PAK3: variants seen among roughly 807,000 people sequenced by gnomAD.
PAK3 encodes the protein serine/threonine-protein kinase PAK 3.
A neutral mutation model predicts 41.0 loss-of-function variants in PAK3; 4 were observed. The ratio of observed to expected loss-of-function variants is 0.10; its 90% CI spans 0.05 to 0.22. The LOEUF (loss-of-function observed/expected upper bound fraction) is 0.22, where lower values mean the gene tolerates loss of function less well. Among genes scored for constraint, PAK3 ranks in the 10% least tolerant of loss-of-function variants. The pLI, the probability that PAK3 is intolerant of heterozygous loss-of-function variation, is 1.00. For missense variants in PAK3, 205 were observed against 409.9 expected (o/e 0.50, Z 4.32); for synonymous variants, 146 against 139.6 (o/e 1.05, Z -0.32).
chrX:111,030,624 G>A (rs1271430243), intron 1 of PAK3, among the ~76,000 whole-genome samples: 1 of 111,174 alleles, frequency 9.0e-6, no homozygotes, highest in Non-Finnish European at 1.9e-5. Context: ...TGAATGGATA[G>A]TTGAAGGGAT....
intron 17 of PAK3, among the ~76,000 whole-genome samples, chrX:111,218,905 G>A (rs1434443619): frequency 1.8e-5 from 2 of 110,891 alleles, no homozygotes; most frequent in African/African-American, 6.5e-5. Flanking sequence ...GAGATGGCCA[G>A]ACGTGATTGC....
intron 1 of PAK3, among the ~76,000 whole-genome samples, chrX:110,966,089 G>C (rs779812413): frequency 8.9e-6 from 1 of 112,023 alleles, no homozygotes; most frequent in African/African-American, 3.2e-5. Flanking sequence ...TAGCCTCACT[G>C]TTTCAATGAA....
chrX:111,040,706 G>T (rs2092444897), intron 1 of PAK3, among the ~76,000 whole-genome samples: 1 of 111,943 alleles, frequency 8.9e-6, no homozygotes, highest in Non-Finnish European at 1.9e-5. Flanking sequence ...AACAAACTAA[G>T]ATTTATTTCT....
At chrX:111,007,234 C>T (rs570410027) in intron 1 of PAK3, among the ~76,000 whole-genome samples, 1 of 111,169 alleles carries the variant, frequency 9.0e-6, no homozygotes, top group South Asian at 3.8e-4. Flanking sequence ...CATGGCAACT[C>T]CCCGTGAGGG....
intron 5 of PAK3, among the ~76,000 whole-genome samples, chrX:111,139,095 A>G (rs1484974598): frequency 5.4e-5 from 6 of 111,888 alleles, no homozygotes; most frequent in Non-Finnish European, 9.4e-5. Flanking sequence ...GTGAGAAGTG[A>G]TGAAGCCTTG....
At chrX:111,205,261 G>C (rs1189707380) in intron 16 of PAK3, among the ~76,000 whole-genome samples, 1 of 110,575 alleles carries the variant, frequency 9.0e-6, no homozygotes, top group Non-Finnish European at 1.9e-5. Context: ...TAGGGCTCTT[G>C]GTTCCACCAG....
chrX:111,205,361 A>C (rs1318738437), intron 16 of PAK3, among the ~76,000 whole-genome samples: 2 of 110,924 alleles, frequency 1.8e-5, no homozygotes, highest in Non-Finnish European at 3.8e-5. Flanking sequence ...CCTTACTCTG[A>C]TTCTGTGTCC....
intron 4 of PAK3, among the ~76,000 whole-genome samples, chrX:111,113,214 CT>C (rs1310566933): frequency 8.9e-6 from 1 of 111,888 alleles, no homozygotes; most frequent in African/African-American, 3.2e-5. Flanking sequence ...ATTAGCTATC[CT>C]TCCTGCTCTG....
chrX:110,988,881 T>C (rs2091594205), intron 1 of PAK3, among the ~76,000 whole-genome samples: 1 of 112,354 alleles, frequency 8.9e-6, no homozygotes, highest in Admixed American at 9.4e-5. Context: ...GATGTTTAGC[T>C]GCTCTTGGTT....
chrX:111,152,469 G>C (rs759190989), intron 8 of PAK3, 22 bp downstream of exon 8: 2 of 1,066,909 alleles, frequency 1.9e-6, no homozygotes, highest in Non-Finnish European at 2.6e-6. Flanking sequence ...ATTGAAAACT[G>C]TTTCACATGA....
At chrX:110,976,870 A>G (rs1306905275) in intron 1 of PAK3, among the ~76,000 whole-genome samples, 1 of 108,038 alleles carries the variant, frequency 9.3e-6, no homozygotes, top group African/African-American at 3.4e-5. Context: ...AGAAAACCAA[A>G]CATCACATGT....
intron 1 of PAK3, among the ~76,000 whole-genome samples, chrX:110,961,558 C>T (rs770550366): frequency 4.5e-5 from 5 of 111,933 alleles, no homozygotes; most frequent in Non-Finnish European, 9.4e-5. Flanking sequence ...AAACTTTCCT[C>T]ATTCTTGTAG....
At chrX:111,193,649 C>T (rs768999678) in intron 13 of PAK3, among the ~76,000 whole-genome samples, 7 of 110,856 alleles carry the variant, frequency 6.3e-5, no homozygotes, top group African/African-American at 2.0e-4. Context: ...TCCACCCGGC[C>T]GCAAATTTTA....
At chrX:111,184,407 T>C (rs2094489628) in intron 11 of PAK3, among the ~76,000 whole-genome samples, 1 of 110,602 alleles carries the variant, frequency 9.0e-6, no homozygotes, top group Non-Finnish European at 1.9e-5. Flanking sequence ...TGACTTTTTT[T>C]TTTTTAATTA....
chrX:111,143,344 C>A (rs139732152), intron 6 of PAK3, among the ~76,000 whole-genome samples: 1 of 111,143 alleles, frequency 9.0e-6, no homozygotes, highest in African/African-American at 3.3e-5. Flanking sequence ...TATCTTATTT[C>A]TTCAATTCTG....
At chrX:111,075,540 A>C (rs2092777537) in intron 1 of PAK3, among the ~76,000 whole-genome samples, 1 of 112,810 alleles carries the variant, frequency 8.9e-6, no homozygotes, top group Admixed American at 9.3e-5. Flanking sequence ...ACTTCCACCT[A>C]GATTTCAGAG....
rs1463140227 is a variant in PAK3 at position 111,222,830 on chromosome X, T to G, written c.*2383T>G. On this transcript the variant is annotated 3_prime_UTR_variant, in exon 18 of 18. Transcript: ENST00000372007. ...GATCACTGTAGGCAGAGAAATGGCT[T>G]CTCTCTTATGCTTTCAGTTCAGCAT... The G allele has an allele frequency of 2.7e-5, 3 of 110,950 alleles. No homozygotes were observed. Among genetic ancestry groups the G allele is most frequent in the African/African-American group, 9.8e-5 (3 of 30,487 alleles). The allele number at this position is 110,950 out of a possible 1,213,427, so 9.1% of individuals were successfully genotyped here.
chrX:110,990,643 T>TA (rs374554182), intron 1 of PAK3, among the ~76,000 whole-genome samples: 1,036 of 99,188 alleles, frequency 0.01, 7 homozygotes, highest in African/African-American at 0.029. Flanking sequence ...TGGCAGGAGT[T>TA]AAAAAAAAAA....
chrX:111,144,192 C>A (rs1264687677), intron 6 of PAK3, among the ~76,000 whole-genome samples: 2 of 111,774 alleles, frequency 1.8e-5, no homozygotes, highest in Admixed American at 1.9e-4. Flanking sequence ...TTGGATACAA[C>A]CAAACCATAT....
Sources: gnomAD v4.1 joint callset for allele counts (sites outside exome capture counted in the v4.1 genomes callset) on GRCh38, gnomAD v4.1.1 for gene constraint, MANE v1.5 for transcripts, NCBI Gene and HGNC (gene_info 2026-07-23, HGNC 2026-07-21) for gene names.